Variants in MRRF observed in about 807,000 individuals in gnomAD.
The protein encoded by MRRF is ribosome-recycling factor, mitochondrial.
A neutral mutation model predicts 25.1 loss-of-function variants in MRRF; 18 were observed. The ratio of observed to expected loss-of-function variants is 0.72; its 90% CI spans 0.50 to 1.06. MRRF has a LOEUF of 1.06. Ranked by LOEUF, MRRF falls within the 50% of genes least tolerant of loss-of-function variation. The pLI, the probability that MRRF is intolerant of heterozygous loss-of-function variation, is 0.00. For synonymous variants in MRRF, 113 were observed against 112.1 expected (o/e 1.01, Z -0.05); for missense variants, 323 against 319.3 (o/e 1.01, Z -0.09).
At position 122,327,023 on chromosome 9, in the gene MRRF, C is replaced by G. The variant is rs1223247793; in HGVS notation, c.*4406C>G. On this transcript the variant is annotated 3_prime_UTR_variant, in exon 7 of 7. Coordinates refer to ENST00000344641, the MANE Select transcript of MRRF (RefSeq NM_138777.5). The stretch of plus-strand genomic sequence containing the variant: ...AAAGGGACCTCGCGCTGTTCTGGAC[C>G]TGGACGGTGATGTGAGAGAAGCAGA... 2 of 152,180 alleles carry G rather than the reference C, an allele frequency of 1.3e-5. No homozygotes were observed. The allele number at this position is 152,180 out of a possible 1,614,324, so 9.4% of individuals were successfully genotyped here.
chr9:122,300,376 G>A (rs921093608), intron 5 of MRRF, among the ~76,000 whole-genome samples: 6 of 152,134 alleles, frequency 3.9e-5, no homozygotes, highest in African/African-American at 1.4e-4. Context: ...AGTGAACTTG[G>A]GCAAGTTGCT....
Position 122,294,897 on chromosome 9 carries a change from T to A in MRRF, c.551+3057T>A, listed in dbSNP as rs1267546359. On this transcript the variant is annotated intron_variant, in intron 5 of 6. Coordinates refer to ENST00000344641, the MANE Select transcript of MRRF (RefSeq NM_138777.5). Reference sequence around the variant, plus strand: ...TAAACTTTTAATTTTCTACATATTATATAATTTTAGGAGAAAAGGATGGAG... The same window carrying A: ...TAAACTTTTAATTTTCTACATATTAAATAATTTTAGGAGAAAAGGATGGAG... Among the ~76,000 whole-genome samples the A allele has an allele frequency of 2.0e-5, 3 of 152,216 alleles. No homozygotes were observed. In the East Asian group the frequency reaches 5.8e-4, roughly 29 times the overall value.
chr9:122,302,559 A>G (rs1263749323), intron 5 of MRRF, among the ~76,000 whole-genome samples: 1 of 152,212 alleles, frequency 6.6e-6, no homozygotes, highest in African/African-American at 2.4e-5. Context: ...ATTGCCAAAT[A>G]ATATTCTATT....
intron 6 of MRRF, 148 bp downstream of exon 6, chr9:122,313,534 C>A: frequency 1.1e-6 from 1 of 946,076 alleles, no homozygotes; most frequent in Non-Finnish European, 1.7e-6. Flanking sequence ...TGGGCCTAGC[C>A]TAATGCCAGA....
Position 122,324,793 on chromosome 9 carries a change from A to G in MRRF, c.*2176A>G, listed in dbSNP as rs544683816. 6.6e-6 allele frequency: 1 copy of G among 152,356 alleles called. No individual in the cohort carries two copies. The highest frequency in any genetic ancestry group is 2.4e-5 in the African/African-American group (1 of 41,572). 9.4% of individuals were successfully genotyped at this position (152,356 alleles called of 1,614,324 possible). On this transcript the variant is annotated 3_prime_UTR_variant, in exon 7 of 7. Coordinates refer to ENST00000344641, the MANE Select transcript of MRRF (RefSeq NM_138777.5). ...ACTTCCCTCTTTACTTACACTGGTGAAACATGCAGTGAGGATTCAAGGTCA... is the reference window on the plus strand; with the variant it reads ...ACTTCCCTCTTTACTTACACTGGTGGAACATGCAGTGAGGATTCAAGGTCA...
intron 6 of MRRF, among the ~76,000 whole-genome samples, chr9:122,317,656 A>G (rs1835620212): frequency 6.6e-6 from 1 of 152,228 alleles, no homozygotes; most frequent in African/African-American, 2.4e-5. Flanking sequence ...AAGAAAAGTC[A>G]CATGCACATG....
Position 122,270,968 on chromosome 9 carries a change from T to G in MRRF, c.77T>G (p.Val26Gly). 3 of 1,614,184 alleles carry G rather than the reference T, an allele frequency of 1.9e-6. No individual in the cohort carries two copies. The highest frequency in any genetic ancestry group is 1.6e-4 in the Middle Eastern group (1 of 6,062). ...RNYLAASIRP[V>G]SEVTLKTVHE... The stretch of plus-strand genomic sequence containing the variant: ...TATCTTGCAGCCTCTATCAGACCCG[T>G]TTCAGAAGTTACACTGAAGACAGTG... The change falls in exon 2 of 7, where the codon GTT becomes GGT. Residue 26 changes from valine to glycine, a missense_variant. Transcript: ENST00000344641.
intron 4 of MRRF, among the ~76,000 whole-genome samples, chr9:122,287,163 T>C (rs896300729): frequency 1.3e-5 from 2 of 152,242 alleles, no homozygotes; most frequent in African/African-American, 2.4e-5. Flanking sequence ...AGCACAATTC[T>C]TTTTCTTTAT....
chr9:122,308,373 T>C (rs1211997660), intron 5 of MRRF, among the ~76,000 whole-genome samples: 1 of 151,782 alleles, frequency 6.6e-6, no homozygotes, highest in East Asian at 1.9e-4. Context: ...TTTTAAAATG[T>C]ACTGTTTTAG....
chr9:122,302,682 T>G (rs764000883), intron 5 of MRRF, among the ~76,000 whole-genome samples: 1 of 152,212 alleles, frequency 6.6e-6, no homozygotes, highest in Non-Finnish European at 1.5e-5. Context: ...TTGTGCAAGT[T>G]TTTTGTGTGA....
rs1835956580 is a variant in MRRF, at chr9:122,322,582, C to T, written c.754C>T (p.His252Tyr). 1 of 1,614,066 alleles carries T rather than the reference C, an allele frequency of 6.2e-7. No individual in the cohort carries two copies. Among genetic ancestry groups the T allele is most frequent in the Non-Finnish European group, 8.5e-7 (1 of 1,180,036 alleles). Residue 252 changes from histidine to tyrosine, a missense_variant, in exon 7 of 7, where the codon CAT becomes TAT. Coordinates refer to ENST00000344641, the MANE Select transcript of MRRF (RefSeq NM_138777.5). ...TGACACAGTGGCAGAACTGGACAGGCATCTGGCAGTGAAGACCAAAGAACT... is the reference window on the plus strand; with the variant it reads ...TGACACAGTGGCAGAACTGGACAGGTATCTGGCAGTGAAGACCAAAGAACT... ...ADDTVAELDR[H>Y]LAVKTKELLG
chr9:122,306,546 G>C (rs1009632381), intron 5 of MRRF, among the ~76,000 whole-genome samples: 2 of 152,160 alleles, frequency 1.3e-5, no homozygotes, highest in African/African-American at 4.8e-5. Flanking sequence ...TTCAGAGCCC[G>C]TTCTCTTAAG....
intron 1 of MRRF, among the ~76,000 whole-genome samples, chr9:122,267,193 A>T (rs982727519): frequency 2.0e-5 from 3 of 152,100 alleles, no homozygotes; most frequent in African/African-American, 7.2e-5. Context: ...AGCCTGGCCA[A>T]CATGGTGAAA....
At chr9:122,280,726 G>C in intron 3 of MRRF, 128 bp downstream of exon 3, 1 of 804,588 alleles carries the variant, frequency 1.2e-6, no homozygotes, top group South Asian at 1.5e-5. Context: ...TTGCTTTTCT[G>C]GTCCTCGGTT....
Position 122,327,100 on chromosome 9 carries a change from A to C in MRRF, c.*4483A>C, listed in dbSNP as rs903465859. 2.0e-5 allele frequency: 3 copies of C among 152,228 alleles called. No individual in the cohort carries two copies. Among genetic ancestry groups the C allele is most frequent in the Non-Finnish European group, 4.4e-5 (3 of 68,042 alleles). The allele number at this position is 152,228 out of a possible 1,614,324, so 9.4% of individuals were successfully genotyped here. ...AAGCTGTTCCTAATTAATGACTGCA[A>C]GTAAAATAGCATAGTACCTGGCACA... On this transcript the variant is annotated 3_prime_UTR_variant, in exon 7 of 7. Coordinates refer to ENST00000344641, the MANE Select transcript of MRRF (RefSeq NM_138777.5).
rs75120990 is a variant in MRRF at position 122,286,632 on chromosome 9, G to A, written c.459+1345G>A. On this transcript the variant is annotated intron_variant, in intron 4 of 6. Coordinates refer to ENST00000344641, the MANE Select transcript of MRRF (RefSeq NM_138777.5). ...GGAAACTGCAGTGGAAGGACCGCTTGAGTCCGGGAGTTTGAAGCTGCAGTG... is the reference window on the plus strand; with the variant it reads ...GGAAACTGCAGTGGAAGGACCGCTTAAGTCCGGGAGTTTGAAGCTGCAGTG... Among the ~76,000 whole-genome samples the A allele has an allele frequency of 3.8e-3, 576 of 152,298 alleles. 6 individuals are homozygous for A. Among genetic ancestry groups the A allele is most frequent in the African/African-American group, 0.013 (550 of 41,566 alleles).
intron 4 of MRRF, chr9:122,285,811 G>T (rs941362805): frequency 1.6e-6 from 2 of 1,281,004 alleles, no homozygotes; most frequent in Non-Finnish European, 2.0e-6. Context: ...TACTTTAATG[G>T]GCCAAATGTG....
Position 122,287,182 on chromosome 9 carries a change from T to C in MRRF, c.459+1895T>C, listed in dbSNP as rs1488122435. On this transcript the variant is annotated intron_variant, in intron 4 of 6. Coordinates refer to ENST00000344641, the MANE Select transcript of MRRF (RefSeq NM_138777.5). ...CAATTCTTTTTCTTTATTGCACTTA[T>C]TACTAGTGTACATTTGTGTACACAT... 1.1e-4 allele frequency among the ~76,000 whole-genome samples: 17 copies of C among 152,362 alleles called. No individual in the cohort carries two copies. In the East Asian group the frequency reaches 1.3e-3, roughly 12 times the overall value.
At chr9:122,293,895 T>C (rs1279023202) in intron 5 of MRRF, among the ~76,000 whole-genome samples, 1 of 152,170 alleles carries the variant, frequency 6.6e-6, no homozygotes, top group East Asian at 1.9e-4. Flanking sequence ...TTAAGGGACT[T>C]GCCCGAGATC....
Sources: allele counts gnomAD v4.1 joint callset (sites outside exome capture counted in the v4.1 genomes callset), GRCh38; gene constraint gnomAD v4.1.1; transcripts MANE v1.5; gene names NCBI Gene and HGNC (gene_info 2026-07-23, HGNC 2026-07-21).